ZNF804B: variants seen among roughly 807,000 people sequenced by gnomAD.
ZNF804B encodes zinc finger 804B.
ZNF804B carries 80 observed loss-of-function variants against 101.4 expected under a neutral mutation model. The observed-to-expected ratio is 0.79, with a 90% CI of 0.66 to 0.95. The LOEUF (loss-of-function observed/expected upper bound fraction) is 0.95. ZNF804B is among the 40% of genes least tolerant of loss of function. The probability of loss-of-function intolerance (pLI) is 0.00; values close to 1 mark genes in which losing one functional copy is unlikely to be tolerated. For missense variants in ZNF804B, 1,673 were observed against 1,561.9 expected (o/e 1.07, Z -1.20); for synonymous variants, 622 against 558.8 (o/e 1.11, Z -1.59).
At chr7:89,216,001 A>C (rs1415425108) in intron 1 of ZNF804B, among the ~76,000 whole-genome samples, 3 of 152,112 alleles carry the variant, frequency 2.0e-5, no homozygotes, top group Admixed American at 6.5e-5. Context: ...AAAGGACATG[A>C]AAAATAAATA....
intron 1 of ZNF804B, among the ~76,000 whole-genome samples, chr7:89,065,901 C>T (rs1387673449): frequency 6.6e-6 from 1 of 152,110 alleles, no homozygotes; most frequent in African/African-American, 2.4e-5. Context: ...ATAATCTTCC[C>T]ATTTCTAAGT....
chr7:88,868,722 A>G (rs770985355), intron 1 of ZNF804B, among the ~76,000 whole-genome samples: 3 of 152,338 alleles, frequency 2.0e-5, no homozygotes, highest in Non-Finnish European at 4.4e-5. Context: ...AGACAGGAAA[A>G]CATATTGGGT....
At chr7:88,969,421 TA>T (rs1458040492) in intron 1 of ZNF804B, among the ~76,000 whole-genome samples, 1 of 151,668 alleles carries the variant, frequency 6.6e-6, no homozygotes, top group Non-Finnish European at 1.5e-5. Context: ...TTACAACTAA[TA>T]GCCTTAATAG....
intron 1 of ZNF804B, among the ~76,000 whole-genome samples, chr7:89,202,309 G>T (rs748708884): frequency 6.6e-6 from 1 of 152,022 alleles, no homozygotes; most frequent in Non-Finnish European, 1.5e-5. Context: ...TCTAAAACCA[G>T]TTTTTAGAAC....
intron 1 of ZNF804B, among the ~76,000 whole-genome samples, chr7:88,862,409 T>A (rs1791663103): frequency 6.6e-6 from 1 of 152,120 alleles, no homozygotes; most frequent in South Asian, 2.1e-4. Flanking sequence ...TCAAGGTACA[T>A]GACCAGCCTA....
intron 1 of ZNF804B, among the ~76,000 whole-genome samples, chr7:89,069,792 A>T (rs188330255): frequency 2.0e-5 from 3 of 152,318 alleles, no homozygotes; most frequent in Admixed American, 2.0e-4. Flanking sequence ...AATAAACTCA[A>T]TTTTAAGCCA....
intron 1 of ZNF804B, among the ~76,000 whole-genome samples, chr7:88,857,230 A>C (rs1422623862): frequency 6.6e-6 from 1 of 152,152 alleles, no homozygotes; most frequent in Non-Finnish European, 1.5e-5. Context: ...ACACATTCAA[A>C]AGCTAGCAGA....
At chr7:88,873,691 G>A (rs376381164) in intron 1 of ZNF804B, among the ~76,000 whole-genome samples, 5 of 152,102 alleles carry the variant, frequency 3.3e-5, no homozygotes, top group East Asian at 1.9e-4. Flanking sequence ...TACATATGGC[G>A]AGCCAGTTCT....
Position 89,000,548 on chromosome 7 carries a change from A to G in ZNF804B, c.109-217607A>G, listed in dbSNP as rs571749659. 4.6e-5 allele frequency among the ~76,000 whole-genome samples: 7 copies of G among 152,094 alleles called. No individual in the cohort carries two copies. The South Asian group carries it at 1.0e-3, about 23-fold the overall frequency. ...TCGTGAATTAATCAAATTAGTTTAC[A>G]TGTTTTGCCTCACTGTGCTGTATAT... On this transcript the variant is annotated intron_variant, in intron 1 of 3. Coordinates refer to ENST00000333190, the MANE Select transcript of ZNF804B (RefSeq NM_181646.5).
intron 1 of ZNF804B, among the ~76,000 whole-genome samples, chr7:88,816,354 A>G (rs1463614120): frequency 2.0e-5 from 3 of 152,206 alleles, no homozygotes; most frequent in Non-Finnish European, 4.4e-5. Context: ...ACCAAAAGCA[A>G]TGGCAACAAA....
At chr7:88,914,844 G>A (rs994325680) in intron 1 of ZNF804B, among the ~76,000 whole-genome samples, 15 of 152,196 alleles carry the variant, frequency 9.9e-5, no homozygotes, top group East Asian at 3.9e-4. Context: ...AGCAATTTGT[G>A]TTGAGAAAGA....
intron 1 of ZNF804B, among the ~76,000 whole-genome samples, chr7:88,833,184 A>C (rs1042647920): frequency 2.8e-4 from 41 of 148,458 alleles, no homozygotes; most frequent in African/African-American, 9.3e-4. Context: ...CTTAAAAAAA[A>C]GTAAGTATTG....
At chr7:89,281,698 A>G (rs1490160062) in intron 2 of ZNF804B, among the ~76,000 whole-genome samples, 1 of 152,194 alleles carries the variant, frequency 6.6e-6, no homozygotes, top group Admixed American at 6.5e-5. Context: ...TTTATAAACA[A>G]GGTCTTTCTG....
At chr7:88,911,193 T>G (rs1314757581) in intron 1 of ZNF804B, among the ~76,000 whole-genome samples, 1 of 151,952 alleles carries the variant, frequency 6.6e-6, no homozygotes. Context: ...GGAATTTATG[T>G]AAGTGCGAAA....
chr7:89,048,917 A>G (rs1432774024), intron 1 of ZNF804B, among the ~76,000 whole-genome samples: 3 of 151,882 alleles, frequency 2.0e-5, no homozygotes, highest in Non-Finnish European at 4.4e-5. Context: ...TTAAATATGG[A>G]ATTTGTATGA....
At chr7:89,267,970 C>G (rs1789826007) in intron 2 of ZNF804B, among the ~76,000 whole-genome samples, 2 of 151,970 alleles carry the variant, frequency 1.3e-5, no homozygotes, top group South Asian at 2.1e-4. Context: ...ATATATTACT[C>G]TCTATTTAAT....
Position 88,852,855 on chromosome 7 carries a change from C to G in ZNF804B, c.108+92771C>G, listed in dbSNP as rs80075381. Among the ~76,000 whole-genome samples the G allele has an allele frequency of 3.0e-3, 456 of 152,152 alleles. 3 individuals are homozygous for G. Among genetic ancestry groups the G allele is most frequent in the African/African-American group, 0.01 (423 of 41,502 alleles). ...TGACTCCAAGGTTATGCACTTTATC[C>G]CAATACCAAACTGCCTCTTCTCTAA... On this transcript the variant is annotated intron_variant, in intron 1 of 3. Coordinates refer to ENST00000333190, the MANE Select transcript of ZNF804B (RefSeq NM_181646.5).
chr7:88,965,613 T>G (rs1255919542), intron 1 of ZNF804B, among the ~76,000 whole-genome samples: 2 of 151,476 alleles, frequency 1.3e-5, no homozygotes, highest in African/African-American at 4.8e-5. Flanking sequence ...TCTGTCTGTA[T>G]GAATTGTGGA....
At chr7:89,088,628 C>T (rs1789840386) in intron 1 of ZNF804B, among the ~76,000 whole-genome samples, 1 of 146,298 alleles carries the variant, frequency 6.8e-6, no homozygotes, top group South Asian at 2.3e-4. Context: ...TTCTATCACT[C>T]CTGCATCCTA....
Sources: allele counts gnomAD v4.1 joint callset (sites outside exome capture counted in the v4.1 genomes callset), GRCh38; gene constraint gnomAD v4.1.1; transcripts MANE v1.5; gene names NCBI Gene and HGNC (gene_info 2026-07-23, HGNC 2026-07-21).